KRT75: variants seen among roughly 807,000 people sequenced by gnomAD.
KRT75 encodes keratin 75.
Under a neutral mutation model 48.8 loss-of-function variants are expected in KRT75, and 35 were observed. That is an observed-to-expected ratio of 0.72 (90% CI 0.55 to 0.95). The LOEUF is 0.95. Ranked by LOEUF, KRT75 falls within the 40% of genes least tolerant of loss-of-function variation. The probability of loss-of-function intolerance (pLI) is 0.00; values close to 1 mark genes in which losing one functional copy is unlikely to be tolerated. For missense variants in KRT75, 776 were observed against 709.9 expected, an observed-to-expected ratio of 1.09 and a Z score of -1.06; for synonymous variants, 301 against 282.3, an observed-to-expected ratio of 1.07 and a Z score of -0.66.
At chr12:52,425,927 G>A (rs972452504) in intron 8 of KRT75, among the ~76,000 whole-genome samples, 4 of 152,186 alleles carry the variant, frequency 2.6e-5, no homozygotes, top group African/African-American at 9.7e-5. Context: ...CAAGAGAAAA[G>A]GAGCTTCAAG....
rs1000146485 is a variant in KRT75 at position 52,433,219 on chromosome 12, C to T, written c.532G>A (p.Glu178Lys). 1.1e-5 allele frequency: 18 copies of T among 1,613,958 alleles called. No homozygotes were observed. Among genetic ancestry groups the T allele is most frequent in the Non-Finnish European group, 1.5e-5 (18 of 1,180,014 alleles). Residue 178 changes from glutamate (E) to lysine (K), a missense_variant, in exon 2 of 9, where the codon GAG becomes AAG. Transcript: ENST00000252245. ...RFLEQQNKVL[E>K]TKWALLQEQG... Reference sequence around the variant, plus strand: ...TCCTGCAGGAGGGCCCACTTGGTCTCCAGGACCTTGTTCTGCTGCTCCAAG... The same window carrying T: ...TCCTGCAGGAGGGCCCACTTGGTCTTCAGGACCTTGTTCTGCTGCTCCAAG...
chr12:52,431,857 G>C, intron 3 of KRT75, 149 bp downstream of exon 3: 2 of 832,326 alleles, frequency 2.4e-6, no homozygotes, highest in South Asian at 2.9e-5. Context: ...CATCAACGTA[G>C]AGGGAACATG....
chr12:52,433,770 T>G (rs1160438509), intron 1 of KRT75, 37 bp downstream of exon 1: 1 of 1,613,564 alleles, frequency 6.2e-7, no homozygotes, highest in Admixed American at 1.7e-5. Flanking sequence ...GTTTATTTGA[T>G]CCCAAACCCA....
At chr12:52,430,274 G>A (rs1047800544) in intron 5 of KRT75, among the ~76,000 whole-genome samples, 3 of 151,740 alleles carry the variant, frequency 2.0e-5, no homozygotes, top group Non-Finnish European at 4.4e-5. Flanking sequence ...CGGTTGTCCT[G>A]GTGTCTCACC....
chr12:52,428,730 T>C lies in KRT75; in HGVS notation c.1049A>G (p.Gln350Arg). 6.2e-7 allele frequency: 1 copy of C among 1,614,140 alleles called. No homozygotes were observed. The highest frequency in any genetic ancestry group is 8.5e-7 in the Non-Finnish European group (1 of 1,180,042). The part of the protein sequence containing the change: ...SWYQTKYEEL[Q>R]VTAGRHGDDL... ...ATCCCCATGTCTGCCTGCGGTGACC[T>C]GCAGCTCCTCGTACTGAGAGAACCA... The change falls in exon 6 of 9, where the codon CAG becomes CGG. Residue 350 changes from glutamine (Q) to arginine (R), a missense_variant. Coordinates refer to ENST00000252245, the MANE Select transcript of KRT75 (RefSeq NM_004693.3).
At position 52,428,241 on chromosome 12, in the gene KRT75, G is replaced by T; in HGVS notation, c.1382+15C>A. ...TCAACTTGCTTTGAGGATGAAGTTG[G>T]TGCATCTGCCTCACCTGCACTCCTC... On this transcript the variant is annotated intron_variant, in intron 7 of 8. Transcript: ENST00000252245. The T allele has an allele frequency of 1.2e-6, 2 of 1,613,362 alleles. No homozygotes were observed. Among genetic ancestry groups the T allele is most frequent in the East Asian group, 2.2e-5 (1 of 44,884 alleles).
chr12:52,427,875 G>A (rs1162498215), intron 7 of KRT75, among the ~76,000 whole-genome samples: 1 of 152,094 alleles, frequency 6.6e-6, no homozygotes, highest in Non-Finnish European at 1.5e-5. Flanking sequence ...CCAGAGAAGG[G>A]AGACTGACTT....
intron 6 of KRT75, 54 bp from the exon 7 acceptor site, chr12:52,428,530 T>A: frequency 6.2e-7 from 1 of 1,612,374 alleles, no homozygotes; most frequent in Non-Finnish European, 8.5e-7. Flanking sequence ...GGAGGTGTGG[T>A]GCTTCTTGGG....
At chr12:52,429,259 C>G (rs570089356) in intron 5 of KRT75, among the ~76,000 whole-genome samples, 2 of 152,114 alleles carry the variant, frequency 1.3e-5, no homozygotes, top group Non-Finnish European at 2.9e-5. Flanking sequence ...CAACTGTGCC[C>G]ATGAATTTTG....
At position 52,424,481 on chromosome 12, in the gene KRT75, G is replaced by C. The variant is rs559800403; in HGVS notation, c.*36C>G. The C allele has an allele frequency of 3.6e-5, 57 of 1,572,118 alleles. No individual in the cohort carries two copies. Among genetic ancestry groups the C allele is most frequent in the South Asian group, 1.4e-4 (13 of 90,206 alleles). ...GGTGTCCAGGTGTGACTGCAAACAG[G>C]CCTCAAGGCAGGGTAGAGGGAGCCA... On this transcript the variant is annotated 3_prime_UTR_variant, in exon 9 of 9. Coordinates refer to ENST00000252245, the MANE Select transcript of KRT75 (RefSeq NM_004693.3).
At chr12:52,430,760 T>C in intron 4 of KRT75, 55 bp from the exon 5 acceptor site, 1 of 1,605,212 alleles carries the variant, frequency 6.2e-7, no homozygotes, top group Admixed American at 1.7e-5. Context: ...ATCTTAAATC[T>C]TCGTGGTTAA....
rs771553239 is a variant in KRT75, at chr12:52,428,502, G to A, written c.1162-26C>T. The stretch of plus-strand genomic sequence containing the variant: ...CTGTAAGGACAGGAGGAAGCCATGA[G>A]TCCTGCTGACAGCCCATGGAGGTGT... On this transcript the variant is annotated intron_variant, in intron 6 of 8. Transcript: ENST00000252245. 1.7e-5 allele frequency: 28 copies of A among 1,612,278 alleles called. No individual in the cohort carries two copies. The East Asian group carries it at 4.2e-4, about 24-fold the overall frequency.
At chr12:52,432,608 T>A (rs566037347) in intron 2 of KRT75, among the ~76,000 whole-genome samples, 4 of 152,120 alleles carry the variant, frequency 2.6e-5, no homozygotes, top group Admixed American at 6.5e-5. Flanking sequence ...CAGTCAAAAG[T>A]TTCCCCCCAC....
intron 1 of KRT75, 133 bp from the exon 2 acceptor site, chr12:52,433,385 C>G: frequency 8.3e-6 from 7 of 839,204 alleles, no homozygotes; most frequent in Non-Finnish European, 1.3e-5. Context: ...ACTGACAACT[C>G]CAACCCAAAA....
chr12:52,430,785 C>A, intron 4 of KRT75, 80 bp from the exon 5 acceptor site: 1 of 1,479,880 alleles, frequency 6.8e-7, no homozygotes, highest in South Asian at 1.1e-5. Context: ...CCATCTAGGT[C>A]AGGAATCCTT....
chr12:52,427,219 T>A (rs978671797), intron 7 of KRT75, among the ~76,000 whole-genome samples: 4 of 152,246 alleles, frequency 2.6e-5, no homozygotes, highest in African/African-American at 9.6e-5. Context: ...ACCATTGTCA[T>A]GCACTGAGCC....
chr12:52,434,069 C>T lies in KRT75; in HGVS notation c.236G>A (p.Ser79Asn), dbSNP rs150072048. Reference protein sequence around the residue: ...KRVSINGCGSSCRSGFGGRAS... With the variant: ...KRVSINGCGSNCRSGFGGRAS... ...CCTGCCACCAAAGCCACTTCGGCAG[C>T]TGCTGCCACACCCATTGATGGAGAC... The change falls in exon 1 of 9, where the codon AGC (serine) becomes AAC (asparagine). Residue 79 changes from serine to asparagine, a missense_variant. Ser to Asn is a conservative substitution (Grantham distance 46, BLOSUM62 1). Transcript: ENST00000252245. 561 of 1,614,050 alleles carry T rather than the reference C, an allele frequency of 3.5e-4. 1 individual carries two copies. Among genetic ancestry groups the T allele is most frequent in the Non-Finnish European group, 4.6e-4 (543 of 1,180,024 alleles).
intron 8 of KRT75, among the ~76,000 whole-genome samples, chr12:52,426,046 C>T (rs1940072110): frequency 6.6e-6 from 1 of 152,186 alleles, no homozygotes; most frequent in South Asian, 2.1e-4. Context: ...GCTCTGCCTT[C>T]TAGAATCATT....
intron 8 of KRT75, 85 bp from the exon 9 acceptor site, chr12:52,424,840 TG>T: frequency 9.0e-7 from 1 of 1,114,102 alleles, no homozygotes; most frequent in Admixed American, 1.7e-5. Context: ...CTGGAGTCCT[TG>T]GGTGGGGAGG....
Sources: gnomAD v4.1 joint callset for allele counts (sites outside exome capture counted in the v4.1 genomes callset) on GRCh38, gnomAD v4.1.1 for gene constraint, MANE v1.5 for transcripts, NCBI Gene and HGNC (gene_info 2026-07-23, HGNC 2026-07-21) for gene names.